The following WFDC5 variants were observed in gnomAD, a reference collection of about 807,000 sequenced individuals.
The protein encoded by WFDC5 is WAP four-disulfide core domain 5.
In WFDC5, 15 loss-of-function variants were observed where a neutral mutation model predicts 15.7. That is an observed-to-expected ratio of 0.96 (90% CI 0.64 to 1.47). The LOEUF is 1.47. WFDC5 is among the 40% of genes most tolerant of loss of function. The pLI, the probability that WFDC5 is intolerant of heterozygous loss-of-function variation, is 0.00. For missense variants in WFDC5, 280 were observed against 258.0 expected (o/e 1.09, Z -0.59); for synonymous variants, 109 against 107.7 (o/e 1.01, Z -0.07).
exon 2 of WFDC5, chr20:45,110,640 A>G (rs1981588848): frequency 6.2e-7 from 1 of 1,613,992 alleles, no homozygotes; most frequent in Non-Finnish European, 8.5e-7. Flanking sequence ...TTTACCAGAG[A>G]CCCTGGGGAC....
At chr20:45,112,656 T>C (rs1981653372) in intron 1 of WFDC5, among the ~76,000 whole-genome samples, 1 of 152,172 alleles carries the variant, frequency 6.6e-6, no homozygotes, top group African/African-American at 2.4e-5. Flanking sequence ...TGGTTAAATA[T>C]ATACACTTGT....
exon 1 of WFDC5, chr20:45,115,021 A>G (rs757546066): frequency 6.2e-7 from 1 of 1,613,716 alleles, no homozygotes; most frequent in Admixed American, 1.7e-5. Context: ...TGCCAAAGAC[A>G]GCAGGCAGCT....
At chr20:45,109,624 A>G (rs180895744) in exon 4 of WFDC5, 35 of 634,642 alleles carry the variant, frequency 5.5e-5, no homozygotes, top group East Asian at 4.4e-4. Context: ...AAAACTCTGC[A>G]AGAATATTCA....
At chr20:45,114,918 C>T in intron 1 of WFDC5, 81 bp downstream of exon 1, 2 of 1,497,862 alleles carry the variant, frequency 1.3e-6, no homozygotes, top group Non-Finnish European at 1.8e-6. Context: ...AGGGCATTAC[C>T]TGCCTTCCCC....
At chr20:45,115,036 C>T in exon 1 of WFDC5, 1 of 1,613,684 alleles carries the variant, frequency 6.2e-7, no homozygotes, top group Non-Finnish European at 8.5e-7. Context: ...GCAGCTGACT[C>T]CCCACAGCCA....
Position 45,111,001 on chromosome 20 carries a change from A to C in WFDC5, c.86-226T>G, listed in dbSNP as rs112891200. On this transcript the variant is annotated intron_variant, in intron 1 of 3. Transcript: ENST00000307971. ...TTGAGACTCAGATGGCACAAATGAC[A>C]GGGGAAAATGAAGCCCAACATCTCC... Among the ~76,000 whole-genome samples the C allele has an allele frequency of 3.7e-3, 571 of 152,340 alleles. 4 individuals carry two copies. The highest frequency in any genetic ancestry group is 0.013 in the African/African-American group (556 of 41,576).
At chr20:45,116,226 T>C (rs750440379), upstream of WFDC5, among the ~76,000 whole-genome samples, 1 of 152,190 alleles carries the variant, frequency 6.6e-6, no homozygotes, top group Non-Finnish European at 1.5e-5. Context: ...TTGGGTTTAA[T>C]GTGAATCTCT....
At chr20:45,109,751 C>T (rs184894433) in exon 4 of WFDC5, 76 of 719,158 alleles carry the variant, frequency 1.1e-4, no homozygotes, top group Non-Finnish European at 3.6e-5. Context: ...GTGGGAAGCT[C>T]GTATGGCAGT....
At chr20:45,110,266 C>G in intron 3 of WFDC5, 134 bp downstream of exon 3, 2 of 1,445,692 alleles carry the variant, frequency 1.4e-6, no homozygotes, top group South Asian at 2.7e-5. Context: ...CAACCCCTAT[C>G]CAGTTTCCTA....
exon 4 of WFDC5, chr20:45,109,617 ACT>A (rs1700169876): frequency 3.2e-6 from 2 of 627,950 alleles, no homozygotes; most frequent in South Asian, 1.9e-5. Context: ...TGTTTGGAAA[ACT>A]CTGCAAGAAT....
At chr20:45,110,848 A>T in intron 1 of WFDC5, 73 bp from the exon 2 acceptor site, 3 of 1,581,652 alleles carry the variant, frequency 1.9e-6, no homozygotes, top group Non-Finnish European at 2.6e-6. Flanking sequence ...CCTGGGAATG[A>T]CAAGACTGAA....
Position 45,110,617 on chromosome 20 carries a change from T to G in WFDC5, c.226+18A>C. The G allele has an allele frequency of 1.2e-6, 2 of 1,613,708 alleles. No individual in the cohort carries two copies. Among genetic ancestry groups the G allele is most frequent in the Non-Finnish European group, 1.7e-6 (2 of 1,179,836 alleles). On this transcript the variant is annotated intron_variant, in intron 2 of 3. Coordinates refer to ENST00000307971, the Ensembl canonical transcript of WFDC5. Reference sequence around the variant, plus strand: ...CTTGGGGCTTGGATGGTCAGCAAGGTGGAGGGGAGGCATTTACCAGAGACC... The same window carrying G: ...CTTGGGGCTTGGATGGTCAGCAAGGGGGAGGGGAGGCATTTACCAGAGACC...
upstream of WFDC5, among the ~76,000 whole-genome samples, chr20:45,116,187 G>C (rs1258042360): frequency 3.3e-5 from 5 of 152,150 alleles, no homozygotes; most frequent in East Asian, 7.7e-4. Flanking sequence ...TTCCAATCCA[G>C]GACAGCCCTG....
exon 4 of WFDC5, chr20:45,109,862 G>T: frequency 1.7e-6 from 2 of 1,147,864 alleles, no homozygotes; most frequent in Non-Finnish European, 2.6e-6. Flanking sequence ...TTGCAGGGAA[G>T]TGTCAGCAGG....
intron 1 of WFDC5, among the ~76,000 whole-genome samples, chr20:45,112,166 T>C (rs904223176): frequency 6.7e-6 from 1 of 149,502 alleles, no homozygotes; most frequent in African/African-American, 2.5e-5. Context: ...GGGTTTGGGG[T>C]GGTGGGGGTG....
At chr20:45,110,256 C>T (rs1379525617) in intron 3 of WFDC5, 144 bp downstream of exon 3, 10 of 1,413,806 alleles carry the variant, frequency 7.1e-6, no homozygotes, top group African/African-American at 2.8e-5. Context: ...AGGACTCCTC[C>T]AACCCCTATC....
chr20:45,110,892 C>G, intron 1 of WFDC5, 117 bp from the exon 2 acceptor site: 1 of 1,388,790 alleles, frequency 7.2e-7, no homozygotes, highest in Non-Finnish European at 9.8e-7. Flanking sequence ...TGTCTTTTGG[C>G]TAGTTGTTAT....
At chr20:45,112,882 C>T (rs734685) in intron 1 of WFDC5, among the ~76,000 whole-genome samples, 29,410 of 152,048 alleles carry the variant, frequency 0.19, 3,538 homozygotes, top group Middle Eastern at 0.31. Context: ...CATATATAAA[C>T]AGGCAGTCAT....
rs1178867467 is a variant in WFDC5 at position 45,114,576 on chromosome 20, A to C, written c.85+423T>G. Among the ~76,000 whole-genome samples the C allele has an allele frequency of 2.0e-5, 3 of 152,070 alleles. No homozygotes were observed. The South Asian group carries it at 6.2e-4, about 32-fold the overall frequency. On this transcript the variant is annotated intron_variant, in intron 1 of 3. Transcript: ENST00000307971. ...CACACCTGAAGGCACAGAGACACAC[A>C]TGGACAGGCACCAAGCTCAGACACA... is the stretch of plus-strand genomic sequence containing the variant.
Sources: gnomAD v4.1 joint callset for allele counts (sites outside exome capture counted in the v4.1 genomes callset) on GRCh38, gnomAD v4.1.1 for gene constraint, MANE v1.5 for transcripts, NCBI Gene and HGNC (gene_info 2026-07-23, HGNC 2026-07-21) for gene names.